RFX1: variants seen among roughly 807,000 people sequenced by gnomAD.
The protein encoded by RFX1 is regulatory factor X1.
In RFX1, 42 loss-of-function variants were observed where a neutral mutation model predicts 119.6. The ratio of observed to expected loss-of-function variants is 0.35; its 90% confidence interval spans 0.27 to 0.45. The LOEUF (loss-of-function observed/expected upper bound fraction) is 0.45. Among genes scored for constraint, RFX1 ranks in the 20% least tolerant of loss-of-function variants. The probability of loss-of-function intolerance (pLI) is 1.00; values close to 1 mark genes in which losing one functional copy is unlikely to be tolerated. For missense variants in RFX1, 1,118 were observed against 1,368.1 expected (o/e 0.82, Z 2.88); for synonymous variants, 628 against 618.5 (o/e 1.02, Z -0.23).
At chr19:13,997,576 C>G (rs1975079008) in intron 1 of RFX1, among the ~76,000 whole-genome samples, 1 of 152,214 alleles carries the variant, frequency 6.6e-6, no homozygotes, top group African/African-American at 2.4e-5. Context: ...CTGCCTGCTG[C>G]CTTCCAGCCT....
rs538757545 is a variant in RFX1 at position 13,968,260 on chromosome 19, A to G, written c.1732+305T>C. On this transcript the variant is annotated intron_variant, in intron 12 of 20. Coordinates refer to ENST00000254325, the MANE Select transcript of RFX1 (RefSeq NM_002918.5). The surrounding 1 kb of genome is among the most constrained non-coding windows in gnomAD (Gnocchi z 5.5). ...CAGAGAATCTATCTCAAAAAAATAA[A>G]CAAATAAATACAAAAATAAAGAAAA... 5.9e-5 allele frequency among the ~76,000 whole-genome samples: 9 copies of G among 152,272 alleles called. No individual in the cohort carries two copies. Among genetic ancestry groups the G allele is most frequent in the Middle Eastern group, 3.4e-3 (1 of 294 alleles).
chr19:13,993,464 G>T, intron 2 of RFX1, 61 bp downstream of exon 2: 1 of 1,515,540 alleles, frequency 6.6e-7, no homozygotes, highest in Non-Finnish European at 9.0e-7. Flanking sequence ...TCACACCCAG[G>T]GTCTAGGCTA....
In RFX1 at chr19:13,963,712, C is replaced by G. The variant is rs559198056; in HGVS notation, c.2396G>C (p.Arg799Pro). 4.4e-6 allele frequency: 7 copies of G among 1,602,034 alleles called. No homozygotes were observed. In the South Asian group the frequency reaches 6.7e-5, roughly 15 times the overall value. ...GTCCTGCTCCAGCCGCTGCACCACG[C>G]GGTCCTCGCAGCGGCACACCCACGA... is the stretch of plus-strand genomic sequence containing the variant. The part of the protein sequence containing the change: ...QASWVCRCED[R>P]VVQRLEQDFK... Residue 799 changes from arginine (R) to proline (P), a missense_variant, in exon 18 of 21, where the codon CGC becomes CCC. Physicochemically the swap from Arg to Pro is moderately radical, Grantham distance 103. Around this residue, in one of 5 missense-constraint regions of RFX1, gnomAD observed 68 missense variants for 67.2 expected, o/e 1.01. Coordinates refer to ENST00000254325, the MANE Select transcript of RFX1 (RefSeq NM_002918.5).
At chr19:13,987,421 T>G (rs1158756967) in intron 2 of RFX1, among the ~76,000 whole-genome samples, 1 of 152,110 alleles carries the variant, frequency 6.6e-6, no homozygotes. Flanking sequence ...GCTCCAAGTC[T>G]GGGTCCAGGC....
intron 9 of RFX1, among the ~76,000 whole-genome samples, chr19:13,971,317 C>A (rs1283023297): frequency 6.6e-6 from 1 of 151,538 alleles, no homozygotes; most frequent in Non-Finnish European, 1.5e-5. Context: ...GTCTGGGTGA[C>A]AAGAGCAAAA....
At chr19:14,002,902 C>T (rs1227285123) in intron 1 of RFX1, among the ~76,000 whole-genome samples, 5 of 152,214 alleles carry the variant, frequency 3.3e-5, no homozygotes, top group South Asian at 2.1e-4. Context: ...AGCTCCCCAC[C>T]GTTCCCACAA....
rs755998374 is a variant in RFX1, at chr19:13,970,032, G to A, written c.1458C>T (p.Ser486=). ...NAASFGKLIR[S]VFMGLRTRRL... ...GGCGGGTTCGCAGGCCCATGAAGAC[G>A]GAGCGGATGAGCTTGCCGAAGGAGG... The change falls in exon 10 of 21, where the codon TCC becomes TCT. Residue 486 remains serine (S), a synonymous_variant. Transcript: ENST00000254325. 8.1e-6 allele frequency: 13 copies of A among 1,613,936 alleles called. No individual in the cohort carries two copies. The highest frequency in any genetic ancestry group is 2.2e-5 in the East Asian group (1 of 44,888).
chr19:13,965,367 A>G lies in RFX1; in HGVS notation c.2211+82T>C, dbSNP rs959948568. ...TCATCCCTGGAACAGGCGTGGGGAC[A>G]AATTTTACCGCCCCTGGGGAGCAGA... On this transcript the variant is annotated intron_variant, in intron 16 of 20. Coordinates refer to ENST00000254325, the MANE Select transcript of RFX1 (RefSeq NM_002918.5). The surrounding 1 kb of genome is among the most constrained non-coding windows in gnomAD (Gnocchi z 4.7). 4.6e-6 allele frequency: 6 copies of G among 1,314,502 alleles called. No homozygotes were observed. In the African/African-American group the frequency reaches 8.7e-5, roughly 19 times the overall value. The allele number at this position is 1,314,502 out of a possible 1,614,324, so 81.4% of individuals were successfully genotyped here.
chr19:13,998,466 TGGGTGACA>T (rs1165447374), intron 1 of RFX1: 1 of 151,056 alleles, frequency 6.6e-6, no homozygotes, highest in Non-Finnish European at 1.5e-5. Flanking sequence ...CCTGGGTGAC[TGGGTGACA>T]GAGCAAGACT....
intron 1 of RFX1, among the ~76,000 whole-genome samples, chr19:14,005,283 A>G (rs1048511066): frequency 1.3e-5 from 2 of 152,340 alleles, no homozygotes; most frequent in East Asian, 3.9e-4. Flanking sequence ...TCTGCAAACC[A>G]GATCCTCCAC....
chr19:13,975,579 A>G (rs1974231079), intron 8 of RFX1, among the ~76,000 whole-genome samples: 1 of 152,104 alleles, frequency 6.6e-6, no homozygotes, highest in Non-Finnish European at 1.5e-5. Context: ...GTCCTGCCCT[A>G]TGTCTACCAC....
At position 13,983,339 on chromosome 19, in the gene RFX1, G is replaced by A. The variant is rs572784672; in HGVS notation, c.430-69C>T. On this transcript the variant is annotated intron_variant, in intron 3 of 20. Coordinates refer to ENST00000254325, the MANE Select transcript of RFX1 (RefSeq NM_002918.5). ...GGGAGGCCTGGCGTGGTTGGGTGGC[G>A]GGCGGCTGCTGTGCACATCTTGATA... The A allele has an allele frequency of 8.9e-5, 122 of 1,366,154 alleles. No individual in the cohort carries two copies. In the Admixed American group the frequency reaches 1.3e-3, roughly 14 times the overall value. 84.6% of individuals were successfully genotyped at this position (1,366,154 alleles called of 1,614,324 possible).
intron 17 of RFX1, 43 bp from the exon 18 acceptor site, chr19:13,963,789 G>T: frequency 8.0e-6 from 12 of 1,498,820 alleles, no homozygotes; most frequent in Non-Finnish European, 1.1e-5. Context: ...CTCAGCCGCC[G>T]TCACCCCCGC....
rs114468754 is a variant in RFX1 at position 13,980,376 on chromosome 19, G to A, written c.738+197C>T. ...AGGAGGTTCAAATTTCGTCCTCCCC[G>A]CGGCTCCCCCATCCTCTAGCCCCAG... On this transcript the variant is annotated intron_variant, in intron 6 of 20. Coordinates refer to ENST00000254325, the MANE Select transcript of RFX1 (RefSeq NM_002918.5). This position sits in a 1 kb window ranked among gnomAD's most constrained non-coding sequence, Gnocchi z 5.1. Among the ~76,000 whole-genome samples, 2,064 of 152,284 alleles carry A rather than the reference G, an allele frequency of 0.014. 46 individuals are homozygous for A. The highest frequency in any genetic ancestry group is 0.047 in the African/African-American group (1,943 of 41,550).
At position 13,965,794 on chromosome 19, in the gene RFX1, C is replaced by T; in HGVS notation, c.1962-17G>A. Reference sequence around the variant, plus strand: ...TCGTCATGTCTGCGGGCACCCACCCCACCCCGGGTCACTGGGGTACTCTAT... The same window carrying T: ...TCGTCATGTCTGCGGGCACCCACCCTACCCCGGGTCACTGGGGTACTCTAT... On this transcript the variant is annotated splice_polypyrimidine_tract_variant and intron_variant, in intron 14 of 20. Coordinates refer to ENST00000254325, the MANE Select transcript of RFX1 (RefSeq NM_002918.5). The surrounding 1 kb of genome is among the most constrained non-coding windows in gnomAD (Gnocchi z 4.7). 3 of 1,612,078 alleles carry T rather than the reference C, an allele frequency of 1.9e-6. No homozygotes were observed. Among genetic ancestry groups the T allele is most frequent in the Non-Finnish European group, 1.7e-6 (2 of 1,179,542 alleles).
At chr19:13,989,227 G>A (rs1271859380) in intron 2 of RFX1, among the ~76,000 whole-genome samples, 1 of 152,072 alleles carries the variant, frequency 6.6e-6, no homozygotes, top group African/African-American at 2.4e-5. Context: ...TTGTGGAGCT[G>A]TAGGAAGGCA....
chr19:13,981,866 GA>G (rs1458427312), intron 5 of RFX1, among the ~76,000 whole-genome samples: 2 of 152,222 alleles, frequency 1.3e-5, no homozygotes, highest in Non-Finnish European at 2.9e-5. Flanking sequence ...CTCAACCCAG[GA>G]AATCACCTCC....
chr19:13,971,061 T>A (rs1202423551), intron 9 of RFX1, among the ~76,000 whole-genome samples: 2 of 149,222 alleles, frequency 1.3e-5, no homozygotes, highest in African/African-American at 5.0e-5. Flanking sequence ...AAGCCAGGAG[T>A]GGTGGCTCAC....
Position 13,966,394 on chromosome 19 carries a change from C to A in RFX1, c.1961+27G>T. 6.7e-7 allele frequency: 1 copy of A among 1,486,644 alleles called. No individual in the cohort carries two copies. Among genetic ancestry groups the A allele is most frequent in the Non-Finnish European group, 9.4e-7 (1 of 1,065,236 alleles). The allele number at this position is 1,486,644 out of a possible 1,614,324, so 92.1% of individuals were successfully genotyped here. ...GGTCATGCCCTCCTCCCCCCTCTCC[C>A]TCCCACAGTCGCCGGGCAGTACTCA... is the stretch of plus-strand genomic sequence containing the variant. On this transcript the variant is annotated intron_variant, in intron 14 of 20. Transcript: ENST00000254325. The surrounding 1 kb of genome is among the most constrained non-coding windows in gnomAD (Gnocchi z 6.3).
Sources: gnomAD v4.1 joint callset for allele counts (sites outside exome capture counted in the v4.1 genomes callset) on GRCh38, gnomAD v4.1.1 for gene constraint, gnomAD v4.1.1 regional missense constraint, Gnocchi (gnomAD v3.1) non-coding constraint, MANE v1.5 for transcripts, NCBI Gene and HGNC (gene_info 2026-07-23, HGNC 2026-07-21) for gene names.